ANKRD36: variants seen among roughly 807,000 people sequenced by gnomAD.
ANKRD36 encodes the protein ankyrin repeat domain-containing protein 36A.
A neutral mutation model predicts 278.1 loss-of-function variants in ANKRD36; 179 were observed. The ratio of observed to expected loss-of-function variants is 0.64; its 90% CI spans 0.57 to 0.73. The LOEUF is 0.73. ANKRD36 is among the 30% of genes least tolerant of loss of function. The probability of loss-of-function intolerance (pLI) is 0.00; values close to 1 mark genes in which losing one functional copy is unlikely to be tolerated. For missense variants in ANKRD36, 1,159 were observed against 1,956.7 expected, an observed-to-expected ratio of 0.59 and a Z score of 7.69; for synonymous variants, 320 against 641.1, an observed-to-expected ratio of 0.50 and a Z score of 7.57.
In ANKRD36 at chr2:97,158,601, T is replaced by C. The variant is rs199723612; in HGVS notation, c.1335T>C (p.Cys445=). The C allele has an allele frequency of 5.5e-4, 850 of 1,536,038 alleles. 5 individuals carry two copies. The highest frequency in any genetic ancestry group is 2.3e-3 in the Middle Eastern group (14 of 5,984). ...TTTTTACTGTAGTAGATGCTGCATGTGGCATTGACAAAACAGAAAATGGAA... is the reference window on the plus strand; with the variant it reads ...TTTTTACTGTAGTAGATGCTGCATGCGGCATTGACAAAACAGAAAATGGAA... ...QQSAENLDAA[C]GIDKTENGNM... Residue 445 remains cysteine, a synonymous_variant, in exon 17 of 76, where the codon TGT becomes TGC. Transcript: ENST00000420699.
rs1452303097 is a variant in ANKRD36 at position 97,213,433 on chromosome 2, C to T, written c.3484C>T (p.Gln1162Ter). Residue 1162 changes from glutamine (Q) to a stop codon, truncating the protein, a stop_gained, in exon 59 of 76, where the codon CAA becomes TAA. Coordinates refer to ENST00000420699, the MANE Select transcript of ANKRD36 (RefSeq NM_001354587.1). LOFTEE classifies it high-confidence loss of function. ...TTGCTTTTCAGTGTCTTGTCAGAAA[C>T]AACCAGCCTTGAAGGTAATTAAACT... is the stretch of plus-strand genomic sequence containing the variant. ...QISGTVSCQKQPALKATSDKK... is the reference protein window; with the variant it reads ...QISGTVSCQK 5.7e-6 allele frequency: 3 copies of T among 528,060 alleles called. No homozygotes were observed. The highest frequency in any genetic ancestry group is 9.0e-5 in the Admixed American group (2 of 22,330). The allele number at this position is 528,060 out of a possible 1,614,324, so 32.7% of individuals were successfully genotyped here.
At chr2:97,169,822 G>A (rs925044123) in intron 22 of ANKRD36, among the ~76,000 whole-genome samples, 3 of 152,242 alleles carry the variant, frequency 2.0e-5, no homozygotes, top group Non-Finnish European at 4.4e-5. Context: ...CTCATGGATA[G>A]GAAGAATCAA....
At chr2:97,229,405 C>A (rs2153669703) in intron 67 of ANKRD36, among the ~76,000 whole-genome samples, 1 of 152,188 alleles carries the variant, frequency 6.6e-6, no homozygotes, top group Admixed American at 6.5e-5. Flanking sequence ...CCTTCTTTGT[C>A]TCTTTCGATC....
chr2:97,242,568 G>A (rs981666553), intron 69 of ANKRD36, among the ~76,000 whole-genome samples: 1 of 144,652 alleles, frequency 6.9e-6, no homozygotes, highest in Non-Finnish European at 1.5e-5. Flanking sequence ...AAAGTGTAGG[G>A]TAACATATTA....
intron 20 of ANKRD36, among the ~76,000 whole-genome samples, chr2:97,165,973 T>C (rs1047353232): frequency 6.6e-6 from 1 of 152,064 alleles, no homozygotes; most frequent in African/African-American, 2.4e-5. Flanking sequence ...TCTGAAGATG[T>C]TGCTGCATTG....
intron 12 of ANKRD36, among the ~76,000 whole-genome samples, chr2:97,151,377 A>T (rs2045926742): frequency 6.6e-6 from 1 of 152,048 alleles, no homozygotes; most frequent in African/African-American, 2.4e-5. Flanking sequence ...TTAGCTTTTG[A>T]CACGCTGAAT....
In ANKRD36 at chr2:97,190,096, A is replaced by G. The variant is rs896173600; in HGVS notation, c.2245+806A>G. On this transcript the variant is annotated intron_variant, in intron 34 of 75. Coordinates refer to ENST00000420699, the MANE Select transcript of ANKRD36 (RefSeq NM_001354587.1). Reference sequence around the variant, plus strand: ...AAAATAGCTATTTCATGAAACTTCTATAGAGAACAACATGATACTCCCAAG... The same window carrying G: ...AAAATAGCTATTTCATGAAACTTCTGTAGAGAACAACATGATACTCCCAAG... Among the ~76,000 whole-genome samples, 13 of 87,956 alleles carry G rather than the reference A, an allele frequency of 1.5e-4. 3 individuals are homozygous for G. The highest frequency in any genetic ancestry group is 5.1e-4 in the Admixed American group (5 of 9,800). The allele number at this position is 87,956 out of a possible 152,430, so 57.7% of individuals were successfully genotyped here.
At chr2:97,211,478 T>C in intron 56 of ANKRD36, 68 bp from the exon 57 acceptor site, 1 of 1,576,842 alleles carries the variant, frequency 6.3e-7, no homozygotes, top group Non-Finnish European at 8.7e-7. Context: ...ATGCTAACAC[T>C]GTATGAATGT....
chr2:97,129,091 T>A (rs563492036), intron 6 of ANKRD36, among the ~76,000 whole-genome samples: 1 of 152,172 alleles, frequency 6.6e-6, no homozygotes, highest in Non-Finnish European at 1.5e-5. Flanking sequence ...CCACCAACAG[T>A]GTAAAAGTGT....
chr2:97,179,104 A>G lies in ANKRD36; in HGVS notation c.1634-634A>G, dbSNP rs2443860. Among the ~76,000 whole-genome samples the G allele has an allele frequency of 2.6e-5, 4 of 151,652 alleles. No individual in the cohort carries two copies. In the South Asian group the frequency reaches 6.3e-4, roughly 24 times the overall value. ...GCAATGAGTGGATGAAGGAACTTTT[A>G]GAAGTCTAAACTAGAAGATACAAGA... On this transcript the variant is annotated intron_variant, in intron 22 of 75. Coordinates refer to ENST00000420699, the MANE Select transcript of ANKRD36 (RefSeq NM_001354587.1).
At chr2:97,179,286 C>T (rs141129916) in intron 22 of ANKRD36, among the ~76,000 whole-genome samples, 3 of 151,110 alleles carry the variant, frequency 2.0e-5, no homozygotes, top group Non-Finnish European at 4.4e-5. Context: ...TCTCACTGAT[C>T]AATCAAGTTA....
chr2:97,118,033 C>T, intron 1 of ANKRD36, 31 bp from the exon 2 acceptor site: 14 of 1,543,096 alleles, frequency 9.1e-6, no homozygotes, highest in Non-Finnish European at 1.1e-5. Flanking sequence ...CTTACAGTTA[C>T]ATGTTTTAAA....
At chr2:97,149,146 G>A (rs2045204723) in intron 11 of ANKRD36, 149 bp from the exon 12 acceptor site, 2 of 661,092 alleles carry the variant, frequency 3.0e-6, no homozygotes, top group African/African-American at 3.7e-5. Context: ...ATTATACCAA[G>A]AAATATTATT....
chr2:97,228,616 T>C (rs1213715669), intron 67 of ANKRD36, among the ~76,000 whole-genome samples: 3 of 151,802 alleles, frequency 2.0e-5, no homozygotes, highest in Non-Finnish European at 4.4e-5. Flanking sequence ...TTTTGAAGGG[T>C]TTTTTGTGTC....
At chr2:97,173,983 A>G (rs1312742961) in intron 22 of ANKRD36, among the ~76,000 whole-genome samples, 1 of 151,638 alleles carries the variant, frequency 6.6e-6, no homozygotes, top group Non-Finnish European at 1.5e-5. Context: ...AAGGAATCAA[A>G]GAATGTATTT....
chr2:97,113,586 T>A lies in ANKRD36; in HGVS notation c.-154T>A. On this transcript the variant is annotated 5_prime_UTR_variant, in exon 1 of 76. Coordinates refer to ENST00000420699, the MANE Select transcript of ANKRD36 (RefSeq NM_001354587.1). ...GCGCGTGCTCGCTGGTTCTAACCCT[T>A]CTGTTGGGCGTTTCTGCTGAGAGGC... 1 of 932,128 alleles carries A rather than the reference T, an allele frequency of 1.1e-6. No homozygotes were observed. Among genetic ancestry groups the A allele is most frequent in the Non-Finnish European group, 1.6e-6 (1 of 625,460 alleles). The allele number at this position is 932,128 out of a possible 1,614,324, so 57.7% of individuals were successfully genotyped here.
At position 97,192,897 on chromosome 2, in the gene ANKRD36, A is replaced by G. The variant is rs766221944; in HGVS notation, c.2376+11A>G. On this transcript the variant is annotated intron_variant, in intron 37 of 75. Coordinates refer to ENST00000420699, the MANE Select transcript of ANKRD36 (RefSeq NM_001354587.1). ...CCACCAGCCTTGACGGTAATGAAAC[A>G]CTCATTTATATTGTGAATGAGTTAA... The G allele has an allele frequency of 6.2e-7, 1 of 1,601,006 alleles. No individual in the cohort carries two copies. Among genetic ancestry groups the G allele is most frequent in the Non-Finnish European group, 8.5e-7 (1 of 1,176,864 alleles).
At chr2:97,181,675 G>T (rs762589918) in intron 25 of ANKRD36, 46 bp from the exon 26 acceptor site, 1 of 1,605,420 alleles carries the variant, frequency 6.2e-7, no homozygotes, top group South Asian at 1.1e-5. Context: ...TATAGTCTAT[G>T]AAACCTACTT....
rs1558789267 is a variant in ANKRD36, at chr2:97,207,826, C to T, written c.3179C>T (p.Pro1060Leu). Reference sequence around the variant, plus strand: ...TACTTTTCAGTGTCTTCTGAGAAACCATCAGGCTTGAAGGTAATGAAACTG... The same window carrying T: ...TACTTTTCAGTGTCTTCTGAGAAACTATCAGGCTTGAAGGTAATGAAACTG... The part of the protein sequence containing the change: ...EKSRTVSSEK[P>L]SGLKATSAEK... The change falls in exon 53 of 76, where the codon CCA (proline) becomes CTA (leucine). Residue 1060 changes from proline to leucine, a missense_variant. By Grantham distance (98) the Pro-to-Leu change is moderately conservative (BLOSUM62 -3). Transcript: ENST00000420699. 5 of 1,546,582 alleles carry T rather than the reference C, an allele frequency of 3.2e-6. No individual in the cohort carries two copies. Among genetic ancestry groups the T allele is most frequent in the Admixed American group, 2.0e-5 (1 of 50,962 alleles).
Sources: gnomAD v4.1 joint callset for allele counts (sites outside exome capture counted in the v4.1 genomes callset) on GRCh38, gnomAD v4.1.1 for gene constraint, MANE v1.5 for transcripts, NCBI Gene and HGNC (gene_info 2026-07-23, HGNC 2026-07-21) for gene names.